The following METAP1D variants were observed in gnomAD, a reference collection of about 807,000 sequenced individuals.
METAP1D encodes the protein methionyl aminopeptidase type 1D, mitochondrial.
In METAP1D, 31 loss-of-function variants were observed where a neutral mutation model predicts 40.5. The ratio of observed to expected loss-of-function variants is 0.77; its 90% CI spans 0.58 to 1.03. The LOEUF (loss-of-function observed/expected upper bound fraction) is 1.03. Ranked by LOEUF, METAP1D falls within the 50% of genes least tolerant of loss-of-function variation. The probability of loss-of-function intolerance (pLI) is 0.00; values close to 1 mark genes in which losing one functional copy is unlikely to be tolerated. For missense variants in METAP1D, 411 were observed against 420.7 expected (o/e 0.98, Z 0.20); for synonymous variants, 151 against 146.4 (o/e 1.03, Z -0.22).
At chr2:172,031,834 G>A (rs571767471) in intron 1 of METAP1D, among the ~76,000 whole-genome samples, 3 of 152,304 alleles carry the variant, frequency 2.0e-5, no homozygotes, top group Admixed American at 6.5e-5. Flanking sequence ...GCCCTACGTC[G>A]TTGACTTTTC....
At chr2:172,079,733 T>A (rs2105507004) in intron 8 of METAP1D, among the ~76,000 whole-genome samples, 1 of 152,354 alleles carries the variant, frequency 6.6e-6, no homozygotes, top group Middle Eastern at 3.4e-3. Flanking sequence ...AAGAAAATTG[T>A]TATTTGCTGA....
At chr2:172,044,942 T>C (rs1472758822) in intron 1 of METAP1D, among the ~76,000 whole-genome samples, 4 of 129,664 alleles carry the variant, frequency 3.1e-5, no homozygotes, top group Admixed American at 1.5e-4. Context: ...AGAGACCTAA[T>C]AGGAGACTTC....
chr2:172,021,874 A>T (rs1175021227), intron 1 of METAP1D: 1 of 152,194 alleles, frequency 6.6e-6, no homozygotes, highest in Non-Finnish European at 1.5e-5. Context: ...GCAAGTATGA[A>T]AATGTTTGTG....
At chr2:172,036,126 G>A (rs915611622) in intron 1 of METAP1D, among the ~76,000 whole-genome samples, 5 of 151,588 alleles carry the variant, frequency 3.3e-5, no homozygotes, top group Non-Finnish European at 7.4e-5. Context: ...GACCATCCTG[G>A]CTAACACGGT....
Position 172,079,338 on chromosome 2 carries a change from C to G in METAP1D, c.850+76C>G, listed in dbSNP as rs1301247360. 6.6e-6 allele frequency: 9 copies of G among 1,358,686 alleles called. No homozygotes were observed. In the South Asian group the frequency reaches 9.3e-5, roughly 14 times the overall value. The allele number at this position is 1,358,686 out of a possible 1,614,324, so 84.2% of individuals were successfully genotyped here. ...TTGCCACTGGCCTAGGCCCGGCAGT[C>G]CGGTGAAGGACCAATAAAGCCAATC... On this transcript the variant is annotated intron_variant, in intron 8 of 9. Transcript: ENST00000315796.
intron 1 of METAP1D, among the ~76,000 whole-genome samples, chr2:172,006,567 G>C (rs1688591366): frequency 6.6e-6 from 1 of 152,206 alleles, no homozygotes; most frequent in African/African-American, 2.4e-5. Context: ...ATATCTTAGG[G>C]AACTTGGCAA....
chr2:172,031,302 G>A (rs185594239), intron 1 of METAP1D, among the ~76,000 whole-genome samples: 1 of 152,240 alleles, frequency 6.6e-6, no homozygotes, highest in East Asian at 1.9e-4. Context: ...TATGTTTTCA[G>A]TAGTCTTGGT....
intron 1 of METAP1D, among the ~76,000 whole-genome samples, chr2:172,022,202 C>T (rs894388286): frequency 2.6e-5 from 4 of 152,126 alleles, no homozygotes; most frequent in African/African-American, 9.7e-5. Context: ...CCTGCTTTTC[C>T]CTTTAAGGGA....
At chr2:172,042,013 C>T (rs1210084713) in intron 1 of METAP1D, among the ~76,000 whole-genome samples, 1 of 123,756 alleles carries the variant, frequency 8.1e-6, no homozygotes. Flanking sequence ...GTTAGCCAGG[C>T]TTGTCTTGAA....
chr2:172,012,371 CAGG>C (rs1382326662), intron 1 of METAP1D, among the ~76,000 whole-genome samples: 2 of 152,154 alleles, frequency 1.3e-5, no homozygotes, highest in Admixed American at 6.6e-5. Flanking sequence ...AGGGACACAG[CAGG>C]AGAAGGCTGT....
At chr2:172,078,035 G>T in intron 7 of METAP1D, 141 bp downstream of exon 7, 1 of 472,032 alleles carries the variant, frequency 2.1e-6, no homozygotes, top group Non-Finnish European at 3.9e-6. Context: ...GGGCAGGGGA[G>T]GGGGGTCTGC....
chr2:172,049,737 A>G (rs1204960598), intron 1 of METAP1D, among the ~76,000 whole-genome samples: 3 of 152,132 alleles, frequency 2.0e-5, no homozygotes, highest in Admixed American at 6.5e-5. Flanking sequence ...CTCCTTGATG[A>G]GTGATCTTGG....
At chr2:172,079,166 C>A in intron 7 of METAP1D, 49 bp from the exon 8 acceptor site, 1 of 1,546,704 alleles carries the variant, frequency 6.5e-7, no homozygotes, top group Non-Finnish European at 8.8e-7. Context: ...TTTTTTTTTT[C>A]TGTCCTCCCC....
intron 1 of METAP1D, among the ~76,000 whole-genome samples, chr2:172,024,821 G>A (rs1437976630): frequency 6.6e-6 from 1 of 150,486 alleles, no homozygotes; most frequent in Non-Finnish European, 1.5e-5. Flanking sequence ...GGATAAGTTG[G>A]TTCTGGTAGA....
intron 1 of METAP1D, among the ~76,000 whole-genome samples, chr2:172,033,812 T>C (rs1689299781): frequency 6.7e-6 from 1 of 148,730 alleles, no homozygotes; most frequent in Non-Finnish European, 1.5e-5. Flanking sequence ...CCGGGTATGG[T>C]GGCTCACGGC....
intron 1 of METAP1D, among the ~76,000 whole-genome samples, chr2:172,045,219 C>G: frequency 7.5e-6 from 1 of 134,004 alleles, no homozygotes; most frequent in East Asian, 2.0e-4. Context: ...GAAGTCATCA[C>G]TTGTGCAACT....
intron 7 of METAP1D, among the ~76,000 whole-genome samples, chr2:172,078,505 C>G (rs1690605600): frequency 6.6e-6 from 1 of 152,190 alleles, no homozygotes; most frequent in Non-Finnish European, 1.5e-5. Context: ...GTGGAGCACC[C>G]TCAAGGCAGG....
chr2:172,001,142 A>AT (rs199953051), intron 1 of METAP1D, among the ~76,000 whole-genome samples: 33 of 149,164 alleles, frequency 2.2e-4, no homozygotes, highest in East Asian at 5.9e-4. Flanking sequence ...CATGACTCTA[A>AT]TTTTTTTTTT....
At chr2:172,039,865 C>T (rs761128168) in intron 1 of METAP1D, among the ~76,000 whole-genome samples, 2 of 151,882 alleles carry the variant, frequency 1.3e-5, no homozygotes, top group South Asian at 2.1e-4. Flanking sequence ...TTAGTAGAGG[C>T]GGGATTTCGC....
Sources: allele counts gnomAD v4.1 joint callset (sites outside exome capture counted in the v4.1 genomes callset), GRCh38; gene constraint gnomAD v4.1.1; transcripts MANE v1.5; gene names NCBI Gene and HGNC (gene_info 2026-07-23, HGNC 2026-07-21).